Variants in CATSPERB observed in about 807,000 individuals in gnomAD.
The protein encoded by CATSPERB is catsper channel auxiliary subunit beta, also known as cation channel sperm-associated auxiliary subunit beta.
Under a neutral mutation model 128.3 loss-of-function variants are expected in CATSPERB, and 93 were observed. The ratio of observed to expected loss-of-function variants is 0.72; its 90% confidence interval spans 0.61 to 0.86. CATSPERB has a LOEUF of 0.86. Among genes scored for constraint, CATSPERB ranks in the 40% least tolerant of loss-of-function variants. The probability of loss-of-function intolerance (pLI) is 0.00; values close to 1 mark genes in which losing one functional copy is unlikely to be tolerated. For missense variants in CATSPERB, 1,153 were observed against 1,329.5 expected, an observed-to-expected ratio of 0.87 and a Z score of 2.06; for synonymous variants, 381 against 448.8, an observed-to-expected ratio of 0.85 and a Z score of 1.91.
intron 22 of CATSPERB, chr14:91,605,200 C>T (rs1893677698): frequency 6.4e-7 from 1 of 1,557,330 alleles, no homozygotes; most frequent in Non-Finnish European, 8.8e-7. Context: ...CAGCAGAAGA[C>T]ATTTGCAAGG....
intron 17 of CATSPERB, among the ~76,000 whole-genome samples, chr14:91,634,973 T>C (rs1270802476): frequency 6.6e-6 from 1 of 151,860 alleles, no homozygotes; most frequent in Non-Finnish European, 1.5e-5. Context: ...CTGGAAAGTC[T>C]GAGATCAAGG....
chr14:91,668,391 G>A (rs61990393), intron 14 of CATSPERB, among the ~76,000 whole-genome samples: 58,692 of 151,858 alleles, frequency 0.39, 11,505 homozygotes, highest in Middle Eastern at 0.5. Context: ...TCTGTGTCTA[G>A]CTAAAGGATT....
chr14:91,719,549 A>C, intron 4 of CATSPERB, 71 bp from the exon 5 acceptor site: 1 of 1,216,792 alleles, frequency 8.2e-7, no homozygotes. Flanking sequence ...TCTATGCTAT[A>C]TTTTTAAAAG....
At chr14:91,690,246 G>C (rs528162134) in intron 10 of CATSPERB, among the ~76,000 whole-genome samples, 2 of 152,322 alleles carry the variant, frequency 1.3e-5, no homozygotes, top group South Asian at 2.1e-4. Flanking sequence ...ACCCGCCTCA[G>C]CCTCCCAAAG....
chr14:91,598,621 G>A (rs1461833494), intron 22 of CATSPERB, among the ~76,000 whole-genome samples: 1 of 152,098 alleles, frequency 6.6e-6, no homozygotes, highest in African/African-American at 2.4e-5. Context: ...CACTTTGGGA[G>A]GCCAAGGCAG....
chr14:91,623,491 T>G (rs10143336), intron 18 of CATSPERB, among the ~76,000 whole-genome samples: 1,530 of 152,338 alleles, frequency 0.01, 16 homozygotes, highest in African/African-American at 0.035. Flanking sequence ...TTAACTATCA[T>G]ACATATGCTG....
Position 91,659,835 on chromosome 14 carries a change from A to C in CATSPERB, c.1432+2T>G. 6.2e-7 allele frequency: 1 copy of C among 1,601,318 alleles called. No homozygotes were observed. The highest frequency in any genetic ancestry group is 8.5e-7 in the Non-Finnish European group (1 of 1,177,146). ...TTACACCAGTGAAAGCAAATTTCTT[A>C]CCTGCCTTTGTCGAGTAAACCTTTC... is the stretch of plus-strand genomic sequence containing the variant. On this transcript the variant is annotated splice_donor_variant, in intron 15 of 26. Coordinates refer to ENST00000256343, the MANE Select transcript of CATSPERB (RefSeq NM_024764.4). LOFTEE classifies it high-confidence loss of function.
At chr14:91,688,141 T>C (rs1895406018) in intron 10 of CATSPERB, among the ~76,000 whole-genome samples, 1 of 152,194 alleles carries the variant, frequency 6.6e-6, no homozygotes, top group African/African-American at 2.4e-5. Flanking sequence ...AAGTTCTTTC[T>C]TGAGTATTTT....
chr14:91,660,083 C>G, intron 14 of CATSPERB, 102 bp from the exon 15 acceptor site: 1 of 876,712 alleles, frequency 1.1e-6, no homozygotes, highest in Non-Finnish European at 1.7e-6. Flanking sequence ...ATGATCTTTT[C>G]CATATGCCTA....
At chr14:91,710,946 C>G (rs1009834535) in intron 5 of CATSPERB, among the ~76,000 whole-genome samples, 7 of 152,294 alleles carry the variant, frequency 4.6e-5, no homozygotes, top group Middle Eastern at 6.8e-3. Context: ...AGTTGAGTGT[C>G]TACAGTCTCC....
chr14:91,621,323 C>T (rs1173622572), intron 19 of CATSPERB, among the ~76,000 whole-genome samples: 2 of 152,154 alleles, frequency 1.3e-5, no homozygotes, highest in African/African-American at 4.8e-5. Flanking sequence ...TCGCTTGAAC[C>T]CAGGAGGTGG....
intron 21 of CATSPERB, among the ~76,000 whole-genome samples, chr14:91,609,677 A>C (rs1164480756): frequency 1.3e-5 from 2 of 152,170 alleles, no homozygotes; most frequent in African/African-American, 4.8e-5. Flanking sequence ...TATATATTTT[A>C]TGCATTCATG....
At chr14:91,695,623 T>C (rs979647656) in intron 7 of CATSPERB, among the ~76,000 whole-genome samples, 1 of 152,228 alleles carries the variant, frequency 6.6e-6, no homozygotes, top group Non-Finnish European at 1.5e-5. Flanking sequence ...CAGAAGCTGA[T>C]GCAGACCATT....
Position 91,669,987 on chromosome 14 carries a change from A to C in CATSPERB, c.1129-15T>G. On this transcript the variant is annotated splice_polypyrimidine_tract_variant and intron_variant, in intron 13 of 26. Coordinates refer to ENST00000256343, the MANE Select transcript of CATSPERB (RefSeq NM_024764.4). ...GTTTTCCTGACCTAGGTAAACAAAG[A>C]ATGAGCAAGTCATAAGACTAGTCTG... The C allele has an allele frequency of 1.2e-6, 2 of 1,608,574 alleles. No homozygotes were observed. The highest frequency in any genetic ancestry group is 1.7e-6 in the Non-Finnish European group (2 of 1,178,058).
chr14:91,655,043 T>A (rs1743104), intron 15 of CATSPERB, among the ~76,000 whole-genome samples: 30,834 of 152,026 alleles, frequency 0.2, 3,314 homozygotes, highest in African/African-American at 0.25. Context: ...ATACAAGTTC[T>A]CCTGGATCTT....
At chr14:91,673,937 GA>G (rs1895146106) in intron 12 of CATSPERB, among the ~76,000 whole-genome samples, 1 of 151,892 alleles carries the variant, frequency 6.6e-6, no homozygotes, top group African/African-American at 2.4e-5. Context: ...TATGAGCCCA[GA>G]AAACATTGCA....
At chr14:91,642,825 G>A (rs11847338) in intron 15 of CATSPERB, among the ~76,000 whole-genome samples, 119,117 of 129,392 alleles carry the variant, frequency 0.92, 55,087 homozygotes, top group African/African-American at 0.97. Flanking sequence ...TTCGGCTGTG[G>A]ATCCATCTGG....
At chr14:91,653,706 T>C (rs1894744950) in intron 15 of CATSPERB, among the ~76,000 whole-genome samples, 1 of 152,130 alleles carries the variant, frequency 6.6e-6, no homozygotes. Flanking sequence ...CATGATTTGA[T>C]TACCTCCCCC....
At chr14:91,707,136 C>T (rs1895745095) in intron 6 of CATSPERB, among the ~76,000 whole-genome samples, 3 of 152,174 alleles carry the variant, frequency 2.0e-5, no homozygotes, top group African/African-American at 7.2e-5. Context: ...AGATTCCTGC[C>T]AGCTTCTCCA....
Sources: allele counts gnomAD v4.1 joint callset (sites outside exome capture counted in the v4.1 genomes callset), GRCh38; gene constraint gnomAD v4.1.1; transcripts MANE v1.5; gene names NCBI Gene and HGNC (gene_info 2026-07-23, HGNC 2026-07-21).